KLHL29: variants seen among roughly 807,000 people sequenced by gnomAD.
KLHL29 encodes kelch-like protein 29.
In KLHL29, 21 loss-of-function variants were observed where a neutral mutation model predicts 80.4. That is an observed-to-expected ratio of 0.26 (90% CI 0.19 to 0.38). The LOEUF is 0.38. Ranked by LOEUF, KLHL29 falls within the 10% of genes least tolerant of loss-of-function variation. The pLI is 1.00. For synonymous variants in KLHL29, 511 were observed against 526.8 expected (o/e 0.97, Z 0.41); for missense variants, 867 against 1,223.9 (o/e 0.71, Z 4.35).
chr2:23,541,672 G>T (rs1274881753), intron 2 of KLHL29, among the ~76,000 whole-genome samples: 1 of 152,052 alleles, frequency 6.6e-6, no homozygotes, highest in South Asian at 2.1e-4. Flanking sequence ...TTCCCAGATT[G>T]CTGGTCTCGG....
intron 13 of KLHL29, among the ~76,000 whole-genome samples, chr2:23,706,202 T>C (rs1672709880): frequency 6.6e-6 from 1 of 152,190 alleles, no homozygotes; most frequent in African/African-American, 2.4e-5. Flanking sequence ...CGCACAGAGA[T>C]CTTTCGTCTC....
chr2:23,634,022 T>C (rs1337463834), intron 3 of KLHL29, among the ~76,000 whole-genome samples: 1 of 152,116 alleles, frequency 6.6e-6, no homozygotes, highest in African/African-American at 2.4e-5. Context: ...GTTCCTTGGG[T>C]CTCTCTCCAA....
intron 2 of KLHL29, among the ~76,000 whole-genome samples, chr2:23,489,964 T>G (rs1665047948): frequency 6.6e-6 from 1 of 152,198 alleles, no homozygotes; most frequent in Admixed American, 6.5e-5. Flanking sequence ...AAAAACAGTC[T>G]TCTTATCTAT....
At chr2:23,659,156 G>T (rs181608688) in intron 5 of KLHL29, among the ~76,000 whole-genome samples, 1 of 152,282 alleles carries the variant, frequency 6.6e-6, no homozygotes, top group African/African-American at 2.4e-5. Flanking sequence ...CCAGAAAATT[G>T]TCATAACGAA....
At chr2:23,450,108 A>C (rs1663828617) in intron 1 of KLHL29, among the ~76,000 whole-genome samples, 1 of 152,194 alleles carries the variant, frequency 6.6e-6, no homozygotes, top group Admixed American at 6.5e-5. Context: ...AATGTGACAA[A>C]TACCGGGGAA....
chr2:23,665,065 G>A lies in KLHL29; in HGVS notation c.941-19334G>A, dbSNP rs144606722. ...GCCTGGGTGGTGACTCGGGTGGCTG[G>A]TGGCTGAGCTAGAGCCGCTGGTACT... On this transcript the variant is annotated intron_variant, in intron 5 of 13. Transcript: ENST00000486442. Among the ~76,000 whole-genome samples the A allele has an allele frequency of 3.9e-3, 594 of 152,384 alleles. 2 individuals are homozygous for A. The highest frequency in any genetic ancestry group is 0.014 in the Middle Eastern group (4 of 294).
At chr2:23,489,711 A>G (rs943571304) in intron 2 of KLHL29, among the ~76,000 whole-genome samples, 4 of 151,718 alleles carry the variant, frequency 2.6e-5, no homozygotes, top group Non-Finnish European at 5.9e-5. Context: ...CCCCGAGTGA[A>G]TGTGCCTGGC....
At chr2:23,395,036 A>C (rs750380018) in intron 1 of KLHL29, among the ~76,000 whole-genome samples, 2 of 152,222 alleles carry the variant, frequency 1.3e-5, no homozygotes, top group Non-Finnish European at 2.9e-5. Context: ...ATGGTCCTTG[A>C]AGGCAAGGAC....
At chr2:23,668,118 C>T (rs926948338) in intron 5 of KLHL29, 1 of 152,460 alleles carries the variant, frequency 6.6e-6, no homozygotes, top group Non-Finnish European at 1.5e-5. Context: ...ACTGTAGCAT[C>T]CCTGGTCACT....
intron 2 of KLHL29, among the ~76,000 whole-genome samples, chr2:23,495,449 C>T (rs1189686378): frequency 1.3e-5 from 2 of 152,198 alleles, no homozygotes. Context: ...TGGACATTCC[C>T]ATTTGTTTTC....
intron 2 of KLHL29, among the ~76,000 whole-genome samples, chr2:23,554,639 C>G (rs750499601): frequency 4.0e-4 from 61 of 152,324 alleles, no homozygotes; most frequent in Admixed American, 7.2e-4. Flanking sequence ...ACACAGATGG[C>G]CTCCATCCCG....
Position 23,606,749 on chromosome 2 carries a change from C to T in KLHL29, c.286-32390C>T, listed in dbSNP as rs141373232. Among the ~76,000 whole-genome samples, 17 of 152,302 alleles carry T rather than the reference C, an allele frequency of 1.1e-4. No homozygotes were observed. The East Asian group carries it at 3.3e-3, about 29-fold the overall frequency. ...GCAGCTCAGGGAGAGCAGAAGGGAG[C>T]TTGATGCTTGCAGAACCCACACTCA... On this transcript the variant is annotated intron_variant, in intron 3 of 13. Transcript: ENST00000486442.
chr2:23,607,775 G>A (rs56069757), intron 3 of KLHL29, among the ~76,000 whole-genome samples: 27,019 of 152,102 alleles, frequency 0.18, 3,248 homozygotes, highest in East Asian at 0.59. Flanking sequence ...TCTAATACCC[G>A]ATGATCTGAG....
At chr2:23,422,320 A>C (rs1341890822) in intron 1 of KLHL29, among the ~76,000 whole-genome samples, 1 of 142,642 alleles carries the variant, frequency 7.0e-6, no homozygotes, top group Non-Finnish European at 1.5e-5. Flanking sequence ...ATGTGTGTAC[A>C]TGTGCCAGTG....
At chr2:23,430,179 A>G (rs1663129243) in intron 1 of KLHL29, among the ~76,000 whole-genome samples, 1 of 152,124 alleles carries the variant, frequency 6.6e-6, no homozygotes, top group South Asian at 2.1e-4. Context: ...CCTGGGCCTC[A>G]CTTCCAGAGT....
At chr2:23,550,532 C>T (rs940925812) in intron 2 of KLHL29, among the ~76,000 whole-genome samples, 2 of 152,168 alleles carry the variant, frequency 1.3e-5, no homozygotes, top group Non-Finnish European at 2.9e-5. Flanking sequence ...AATTCCGCAG[C>T]CGTCAACCCA....
At chr2:23,532,890 G>A (rs1659412817) in intron 2 of KLHL29, among the ~76,000 whole-genome samples, 1 of 152,176 alleles carries the variant, frequency 6.6e-6, no homozygotes, top group South Asian at 2.1e-4. Flanking sequence ...TGAGAAGGGA[G>A]ACAGCCCCAC....
intron 1 of KLHL29, among the ~76,000 whole-genome samples, chr2:23,397,895 C>CA (rs1231154562): frequency 1.3e-5 from 2 of 152,156 alleles, no homozygotes; most frequent in Non-Finnish European, 2.9e-5. Context: ...AAATGGAAGT[C>CA]AAAACCACAA....
At chr2:23,403,736 T>A (rs1361199798) in intron 1 of KLHL29, among the ~76,000 whole-genome samples, 11 of 150,284 alleles carry the variant, frequency 7.3e-5, no homozygotes, top group African/African-American at 1.5e-4. Context: ...AGTGTGTGTG[T>A]GTGTGTGTGT....
Sources: gnomAD v4.1 joint callset for allele counts (sites outside exome capture counted in the v4.1 genomes callset) on GRCh38, gnomAD v4.1.1 for gene constraint, MANE v1.5 for transcripts, NCBI Gene and HGNC (gene_info 2026-07-23, HGNC 2026-07-21) for gene names.